CYS1: variants seen among roughly 807,000 people sequenced by gnomAD.
The protein encoded by CYS1 is cystin 1, also known as cystin-1.
In CYS1, 5 loss-of-function variants were observed where a neutral mutation model predicts 9.6. The ratio of observed to expected loss-of-function variants is 0.52; its 90% CI spans 0.27 to 1.10. The LOEUF (loss-of-function observed/expected upper bound fraction) is 1.10, where lower values mean the gene tolerates loss of function less well. Among genes scored for constraint, CYS1 ranks in the 50% least tolerant of loss-of-function variants. The pLI is 0.11. For synonymous variants in CYS1, 88 were observed against 95.7 expected, an observed-to-expected ratio of 0.92 and a Z score of 0.47; for missense variants, 221 against 207.9, an observed-to-expected ratio of 1.06 and a Z score of -0.39.
intron 1 of CYS1, among the ~76,000 whole-genome samples, chr2:10,077,044 T>C (rs1387741487): frequency 6.6e-6 from 1 of 152,156 alleles, no homozygotes; most frequent in Non-Finnish European, 1.5e-5. Context: ...TCACGGCAGC[T>C]ACATCCCTCC....
chr2:10,066,625 A>G (rs1572456553), intron 1 of CYS1, among the ~76,000 whole-genome samples: 2 of 152,342 alleles, frequency 1.3e-5, no homozygotes, highest in South Asian at 4.1e-4. Flanking sequence ...GCTGTCCGCT[A>G]AAGCATGTCT....
In CYS1 at chr2:10,077,410, AG is replaced by A. The variant is rs568714127; in HGVS notation, c.318+2495del. ...AAATTTTTAAATGTGAGTGCTTAAA[AG>A]AATAACTTTCACTTGAGTTTGATGT... On this transcript the variant is annotated intron_variant, in intron 1 of 2. Transcript: ENST00000381813. Among the ~76,000 whole-genome samples the A allele has an allele frequency of 2.8e-4, 43 of 152,386 alleles. No individual in the cohort carries two copies. In the South Asian group the frequency reaches 7.7e-3, roughly 27 times the overall value.
rs181123707 is a variant in CYS1, at chr2:10,056,529, A to C, written c.*2324T>G. Among the ~76,000 whole-genome samples the C allele has an allele frequency of 6.6e-6, 1 of 152,322 alleles. No individual in the cohort carries two copies. On this transcript the variant is annotated 3_prime_UTR_variant, in exon 3 of 3. Coordinates refer to ENST00000381813, the MANE Select transcript of CYS1 (RefSeq NM_001037160.3). ...AACGTGCGTCATTTTTGCCTTTGAG[A>C]TGTGTTTCTTTCTGCCTCCATTCCA...
Position 10,063,068 on chromosome 2 carries a change from G to A in CYS1, c.371+2836C>T, listed in dbSNP as rs767726556. On this transcript the variant is annotated intron_variant, in intron 2 of 2. Transcript: ENST00000381813. This position sits in a 1 kb window ranked among gnomAD's most constrained non-coding sequence, Gnocchi z 4.2. Reference sequence around the variant, plus strand: ...TCTGCTGCTTCCGCAGGGCCCTCCCGGGGGAAGGACCTGGCGTTGTCAGGA... The same window carrying A: ...TCTGCTGCTTCCGCAGGGCCCTCCCAGGGGAAGGACCTGGCGTTGTCAGGA... Among the ~76,000 whole-genome samples, 6 of 152,202 alleles carry A rather than the reference G, an allele frequency of 3.9e-5. No homozygotes were observed. Among genetic ancestry groups the A allele is most frequent in the Non-Finnish European group, 2.9e-5 (2 of 68,032 alleles).
chr2:10,066,934 A>G (rs982269776), intron 1 of CYS1, among the ~76,000 whole-genome samples: 1 of 152,200 alleles, frequency 6.6e-6, no homozygotes, highest in Non-Finnish European at 1.5e-5. Flanking sequence ...AATAGGGAAT[A>G]TCTATTCATT....
rs1661584978 is a variant in CYS1, at chr2:10,058,760, G to A, written c.*93C>T. On this transcript the variant is annotated 3_prime_UTR_variant, in exon 3 of 3. Transcript: ENST00000381813. ...TATCCGGGAGTGACTGCGTTTTGGA[G>A]GTGGTTCAGCTCCTGCTAGAGCTCT... The A allele has an allele frequency of 1.8e-6, 2 of 1,098,850 alleles. No individual in the cohort carries two copies. Among genetic ancestry groups the A allele is most frequent in the South Asian group, 1.5e-5 (1 of 65,502 alleles). The allele number at this position is 1,098,850 out of a possible 1,614,324, so 68.1% of individuals were successfully genotyped here.
At chr2:10,079,762 G>T (rs1661912674) in intron 1 of CYS1, 144 bp downstream of exon 1, 2 of 398,720 alleles carry the variant, frequency 5.0e-6, no homozygotes, top group African/African-American at 2.2e-5. Flanking sequence ...GCCCAGGGGC[G>T]GGGAGGCCGG....
rs74905268 is a variant in CYS1 at position 10,074,778 on chromosome 2, C to T, written c.318+5128G>A. ...CGTCTCATTGGTTTCTGCTCTCCGA[C>T]ATCACCTGGCTGAATGGCACATAAA... On this transcript the variant is annotated intron_variant, in intron 1 of 2. Coordinates refer to ENST00000381813, the MANE Select transcript of CYS1 (RefSeq NM_001037160.3). 4.8e-3 allele frequency among the ~76,000 whole-genome samples: 731 copies of T among 152,342 alleles called. 5 individuals carry two copies. The highest frequency in any genetic ancestry group is 8.7e-3 in the Non-Finnish European group (595 of 68,030).
chr2:10,060,523 A>G (rs1661611835), intron 2 of CYS1, among the ~76,000 whole-genome samples: 1 of 152,172 alleles, frequency 6.6e-6, no homozygotes, highest in Non-Finnish European at 1.5e-5. Flanking sequence ...CCTGTCCCGG[A>G]GACGTCATGC....
At position 10,056,803 on chromosome 2, in the gene CYS1, G is replaced by T. The variant is rs1042371416; in HGVS notation, c.*2050C>A. On this transcript the variant is annotated 3_prime_UTR_variant, in exon 3 of 3. Transcript: ENST00000381813. ...GCGGCTGGTACACACTGCTTTATTT[G>T]TTCTTTTTATTATTATTTTTAAGTT... The T allele has an allele frequency of 6.6e-6, 1 of 152,122 alleles. No individual in the cohort carries two copies. The highest frequency in any genetic ancestry group is 1.5e-5 in the Non-Finnish European group (1 of 68,024). 9.4% of individuals were successfully genotyped at this position (152,122 alleles called of 1,614,324 possible).
chr2:10,066,325 G>A (rs1661694135), intron 1 of CYS1, among the ~76,000 whole-genome samples: 1 of 151,558 alleles, frequency 6.6e-6, no homozygotes, highest in Non-Finnish European at 1.5e-5. Context: ...GGGACCCACC[G>A]CCACCTAGCA....
intron 2 of CYS1, among the ~76,000 whole-genome samples, chr2:10,059,558 G>A (rs1661598633): frequency 6.6e-6 from 1 of 152,126 alleles, no homozygotes; most frequent in Non-Finnish European, 1.5e-5. Flanking sequence ...TTATCCGGGT[G>A]GGGTGACGGG....
At chr2:10,066,116 A>G (rs1461007482) in intron 1 of CYS1, among the ~76,000 whole-genome samples, 160 bp from the exon 2 acceptor site, 4 of 152,210 alleles carry the variant, frequency 2.6e-5, no homozygotes, top group Non-Finnish European at 5.9e-5. Context: ...CCATCCACTC[A>G]TTGCACAGGC....
chr2:10,064,751 T>A (rs995396527), intron 2 of CYS1, among the ~76,000 whole-genome samples: 1 of 152,050 alleles, frequency 6.6e-6, no homozygotes, highest in Non-Finnish European at 1.5e-5. Flanking sequence ...AGAGTCTCCC[T>A]CTGTCACCCA....
At chr2:10,079,353 G>T (rs1025283148) in intron 1 of CYS1, among the ~76,000 whole-genome samples, 1 of 152,244 alleles carries the variant, frequency 6.6e-6, no homozygotes, top group Non-Finnish European at 1.5e-5. Context: ...CTGCTGGAGC[G>T]AAGACGGTTG....
At chr2:10,078,620 C>G (rs910863734) in intron 1 of CYS1, among the ~76,000 whole-genome samples, 32 of 152,232 alleles carry the variant, frequency 2.1e-4, no homozygotes, top group Non-Finnish European at 3.1e-4. Context: ...TTCATCCCTT[C>G]GGGAATGCCT....
intron 2 of CYS1, among the ~76,000 whole-genome samples, chr2:10,061,687 C>T (rs1390039146): frequency 1.3e-5 from 2 of 152,154 alleles, no homozygotes; most frequent in Non-Finnish European, 2.9e-5. Context: ...GACGGGCAGC[C>T]CTGGGGCTAG....
In CYS1 at chr2:10,057,281, C is replaced by T. The variant is rs1661563283; in HGVS notation, c.*1572G>A. ...GGCTTGCATAAGCAATGGCTCCCAG[C>T]TCTGGGGAGGGTTTGAGCCACGCCC... On this transcript the variant is annotated 3_prime_UTR_variant, in exon 3 of 3. Coordinates refer to ENST00000381813, the MANE Select transcript of CYS1 (RefSeq NM_001037160.3). 5.9e-5 allele frequency: 9 copies of T among 152,392 alleles called. No individual in the cohort carries two copies. The South Asian group carries it at 1.9e-3, about 32-fold the overall frequency. 9.4% of individuals were successfully genotyped at this position (152,392 alleles called of 1,614,324 possible).
At chr2:10,077,153 A>G (rs1273930537) in intron 1 of CYS1, among the ~76,000 whole-genome samples, 1 of 151,692 alleles carries the variant, frequency 6.6e-6, no homozygotes, top group Non-Finnish European at 1.5e-5. Context: ...ACCGCCCCTC[A>G]CCACCGCCCG....
Sources: allele counts gnomAD v4.1 joint callset (sites outside exome capture counted in the v4.1 genomes callset), GRCh38; gene constraint gnomAD v4.1.1; non-coding constraint Gnocchi (gnomAD v3.1); transcripts MANE v1.5; gene names NCBI Gene and HGNC (gene_info 2026-07-23, HGNC 2026-07-21).